Variants in MAP7D2 observed in about 807,000 individuals in gnomAD.
The protein encoded by MAP7D2 is MAP7 domain-containing protein 2.
Under a neutral mutation model 63.5 loss-of-function variants are expected in MAP7D2, and 33 were observed. The ratio of observed to expected loss-of-function variants is 0.52; its 90% CI spans 0.39 to 0.70. MAP7D2 has a LOEUF of 0.70. Among genes scored for constraint, MAP7D2 ranks in the 30% least tolerant of loss-of-function variants. MAP7D2 has a pLI of 0.00. For missense variants in MAP7D2, 626 were observed against 604.0 expected (o/e 1.04, Z -0.38); for synonymous variants, 224 against 223.7 (o/e 1.00, Z -0.01).
intron 1 of MAP7D2, 135 bp downstream of exon 1, chrX:20,116,615 G>A (rs1210530571): frequency 3.0e-6 from 3 of 995,789 alleles, no homozygotes; most frequent in Non-Finnish European, 3.8e-6. Context: ...CCTGGGCCAG[G>A]GAAAGGGCGT....
At chrX:20,079,189 T>C (rs980845900) in intron 1 of MAP7D2, among the ~76,000 whole-genome samples, 1 of 110,558 alleles carries the variant, frequency 9.0e-6, no homozygotes. Flanking sequence ...TGGGGTGTAT[T>C]TGGACTCCAA....
intron 8 of MAP7D2, among the ~76,000 whole-genome samples, chrX:20,030,357 C>T (rs2074008919): frequency 8.9e-6 from 1 of 112,143 alleles, no homozygotes; most frequent in Admixed American, 9.5e-5. Flanking sequence ...AGCTCTTCCA[C>T]TTTAATTTTT....
At position 20,044,538 on chromosome X, in the gene MAP7D2, G is replaced by T. The variant is rs2064746031; in HGVS notation, c.719-14C>A. ...AGACATGGAATACTAGAAAGTTACA[G>T]TATAACAGCCAGAAGGACAGAGAGT... On this transcript the variant is annotated splice_polypyrimidine_tract_variant and intron_variant, in intron 6 of 16. Transcript: ENST00000379643. 8.3e-7 allele frequency: 1 copy of T among 1,198,302 alleles called. No individual in the cohort carries two copies. The highest frequency in any genetic ancestry group is 1.1e-6 in the Non-Finnish European group (1 of 884,825).
In MAP7D2 at chrX:20,049,213, T is replaced by C. The variant is rs1438087662; in HGVS notation, c.718+1611A>G. On this transcript the variant is annotated intron_variant, in intron 6 of 16. Coordinates refer to ENST00000379643, the MANE Select transcript of MAP7D2 (RefSeq NM_001168465.2). ...CACACAATATGTGGCCTTTTGCAAC[T>C]GGTTTCTTTCACTTAGCACATTTTC... 1.0e-4 allele frequency among the ~76,000 whole-genome samples: 11 copies of C among 109,813 alleles called. 1 individual carries two copies. The Admixed American group carries it at 1.1e-3, about 11-fold the overall frequency.
At chrX:20,051,012 A>AT in intron 5 of MAP7D2, 66 bp from the exon 6 acceptor site, 1 of 958,440 alleles carries the variant, frequency 1.0e-6, no homozygotes, top group Non-Finnish European at 1.4e-6. Flanking sequence ...TAAAACATTT[A>AT]AACAACACAA....
chrX:20,070,082 G>T (rs1033637764), intron 1 of MAP7D2, among the ~76,000 whole-genome samples: 2 of 111,161 alleles, frequency 1.8e-5, no homozygotes, highest in Non-Finnish European at 3.8e-5. Flanking sequence ...CTGAGGAGCT[G>T]GGATTATAGG....
chrX:20,116,424 G>T, intron 1 of MAP7D2: 1 of 334,027 alleles, frequency 3.0e-6, no homozygotes, highest in African/African-American at 2.8e-5. Context: ...CCCCATGCCG[G>T]CTGCTCCTCG....
At chrX:20,026,628 G>C (rs1462242143) in intron 8 of MAP7D2, among the ~76,000 whole-genome samples, 1 of 112,197 alleles carries the variant, frequency 8.9e-6, no homozygotes, top group East Asian at 2.8e-4. Flanking sequence ...AGGGTCTCAG[G>C]TTTAAAAGAA....
chrX:20,084,760 G>A (rs1225426184), intron 1 of MAP7D2, among the ~76,000 whole-genome samples: 1 of 109,957 alleles, frequency 9.1e-6, no homozygotes, highest in Non-Finnish European at 1.9e-5. Context: ...ATAGAGATGG[G>A]GTTTTGACAT....
intron 12 of MAP7D2, among the ~76,000 whole-genome samples, 184 bp from the exon 13 acceptor site, chrX:20,013,809 T>A (rs181788502): frequency 8.9e-6 from 1 of 112,777 alleles, no homozygotes; most frequent in East Asian, 2.8e-4. Context: ...TCCGGCCCCA[T>A]GGACAAGGTC....
chrX:20,060,687 G>T (rs372130715), intron 3 of MAP7D2, among the ~76,000 whole-genome samples: 1 of 110,885 alleles, frequency 9.0e-6, no homozygotes, highest in East Asian at 2.9e-4. Flanking sequence ...GCACGTGAAG[G>T]TTCTAAGAAC....
intron 4 of MAP7D2, among the ~76,000 whole-genome samples, chrX:20,054,434 T>C (rs1425608745): frequency 8.9e-6 from 1 of 111,737 alleles, no homozygotes; most frequent in Non-Finnish European, 1.9e-5. Flanking sequence ...TTTTAAAAAA[T>C]ATCACATTAA....
At chrX:20,027,307 C>CA (rs910349085) in intron 8 of MAP7D2, among the ~76,000 whole-genome samples, 12 of 112,739 alleles carry the variant, frequency 1.1e-4, no homozygotes, top group African/African-American at 3.9e-4. Context: ...TGTGGTTTTT[C>CA]AGAGTGCTTA....
intron 4 of MAP7D2, among the ~76,000 whole-genome samples, chrX:20,054,370 C>T (rs1265299244): frequency 1.8e-5 from 2 of 111,933 alleles, no homozygotes; most frequent in East Asian, 2.8e-4. Flanking sequence ...CTCAGCATGG[C>T]ACCAGTCTTT....
intron 2 of MAP7D2, 71 bp from the exon 3 acceptor site, chrX:20,063,648 C>T: frequency 4.6e-6 from 5 of 1,091,085 alleles, no homozygotes; most frequent in Non-Finnish European, 6.2e-6. Flanking sequence ...AGACCAAAAA[C>T]AAGGAAGCAA....
intron 1 of MAP7D2, among the ~76,000 whole-genome samples, chrX:20,102,205 T>C (rs184863562): frequency 8.9e-6 from 1 of 111,812 alleles, no homozygotes; most frequent in African/African-American, 3.2e-5. Flanking sequence ...CCAGTTTTAT[T>C]TGCACATGGT....
chrX:20,010,145 A>AAGG (rs2073140367), intron 16 of MAP7D2, among the ~76,000 whole-genome samples: 1 of 112,570 alleles, frequency 8.9e-6, no homozygotes, highest in Admixed American at 9.4e-5. Flanking sequence ...GTAACTAAGT[A>AAGG]TACCTTACTA....
At chrX:20,064,858 G>C (rs2065311642) in intron 1 of MAP7D2, 53 bp from the exon 2 acceptor site, 1 of 1,073,116 alleles carries the variant, frequency 9.3e-7, no homozygotes, top group East Asian at 3.0e-5. Context: ...TTCCCTATCT[G>C]CTAAGTACTA....
At chrX:20,024,826 C>T (rs2073782350) in intron 10 of MAP7D2, 125 bp downstream of exon 10, 2 of 723,543 alleles carry the variant, frequency 2.8e-6, no homozygotes, top group South Asian at 5.9e-5. Flanking sequence ...GTAGTTCAGA[C>T]ATTCTAGGTT....
Sources: gnomAD v4.1 joint callset for allele counts (sites outside exome capture counted in the v4.1 genomes callset) on GRCh38, gnomAD v4.1.1 for gene constraint, MANE v1.5 for transcripts, NCBI Gene and HGNC (gene_info 2026-07-23, HGNC 2026-07-21) for gene names.